CDC37L1: variants seen among roughly 807,000 people sequenced by gnomAD.
CDC37L1 encodes hsp90 co-chaperone Cdc37-like 1.
A neutral mutation model predicts 45.9 loss-of-function variants in CDC37L1; 32 were observed. The observed-to-expected ratio is 0.70, with a 90% CI of 0.53 to 0.94. The LOEUF is 0.94. Among genes scored for constraint, CDC37L1 ranks in the 40% least tolerant of loss-of-function variants. The pLI is 0.00. For missense variants in CDC37L1, 434 were observed against 405.7 expected (o/e 1.07, Z -0.60); for synonymous variants, 150 against 133.0 (o/e 1.13, Z -0.88).
chr9:4,694,252 T>C (rs1432439581), intron 3 of CDC37L1, among the ~76,000 whole-genome samples: 1 of 152,132 alleles, frequency 6.6e-6, no homozygotes, highest in Non-Finnish European at 1.5e-5. Context: ...GCTAATTATC[T>C]CATTTTGTGT....
chr9:4,704,436 A>G (rs534252744), intron 6 of CDC37L1, among the ~76,000 whole-genome samples: 164 of 152,370 alleles, frequency 1.1e-3, no homozygotes, highest in African/African-American at 3.6e-3. Flanking sequence ...TAGGTCGGGT[A>G]TACCGATTCC....
chr9:4,705,496 A>T (rs1040434245), intron 6 of CDC37L1, among the ~76,000 whole-genome samples: 2 of 152,144 alleles, frequency 1.3e-5, no homozygotes, highest in Non-Finnish European at 2.9e-5. Flanking sequence ...ATACATCTCA[A>T]AAGTGTACAG....
intron 3 of CDC37L1, among the ~76,000 whole-genome samples, chr9:4,691,185 T>G (rs1029473488): frequency 6.6e-6 from 1 of 152,206 alleles, no homozygotes; most frequent in African/African-American, 2.4e-5. Context: ...TTAACTTTTG[T>G]TTTAAATTCA....
chr9:4,705,901 C>T, intron 6 of CDC37L1, 110 bp from the exon 7 acceptor site: 1 of 487,626 alleles, frequency 2.1e-6, no homozygotes, highest in Non-Finnish European at 3.8e-6. Flanking sequence ...TGCTCTACTA[C>T]ACTGCAGAGA....
intron 2 of CDC37L1, among the ~76,000 whole-genome samples, chr9:4,686,813 G>C (rs905793857): frequency 3.3e-5 from 5 of 152,182 alleles, no homozygotes; most frequent in African/African-American, 1.2e-4. Context: ...GTGCTATTGA[G>C]TGCTTGAAAT....
rs1005594778 is a variant in CDC37L1, at chr9:4,697,083, C to G, written c.509-13C>G. On this transcript the variant is annotated splice_polypyrimidine_tract_variant and intron_variant, in intron 3 of 6. Transcript: ENST00000381854. Reference sequence around the variant, plus strand: ...AATATTTGACACTTATGGTTCAATTCTTTTTTTTACAGGTATGTTGAGTCG... The same window carrying G: ...AATATTTGACACTTATGGTTCAATTGTTTTTTTTACAGGTATGTTGAGTCG... 2.6e-6 allele frequency: 3 copies of G among 1,175,244 alleles called. No individual in the cohort carries two copies. Among genetic ancestry groups the G allele is most frequent in the Non-Finnish European group, 3.8e-6 (3 of 796,746 alleles). The allele number at this position is 1,175,244 out of a possible 1,614,324, so 72.8% of individuals were successfully genotyped here.
At chr9:4,702,888 CAAAAAAA>C (rs397829063) in intron 6 of CDC37L1, among the ~76,000 whole-genome samples, 2 of 42,962 alleles carry the variant, frequency 4.7e-5, no homozygotes, top group Non-Finnish European at 9.5e-5. Flanking sequence ...GACTCCGTCT[CAAAAAAA>C]AAAAAAAAAA....
intron 3 of CDC37L1, among the ~76,000 whole-genome samples, chr9:4,694,489 C>G (rs1841328684): frequency 6.6e-6 from 1 of 152,106 alleles, no homozygotes; most frequent in Admixed American, 6.5e-5. Flanking sequence ...TTTTTGAAAT[C>G]AAGTGATAGT....
intron 5 of CDC37L1, among the ~76,000 whole-genome samples, chr9:4,701,491 G>A (rs528223735): frequency 6.6e-6 from 1 of 152,302 alleles, no homozygotes; most frequent in Non-Finnish European, 1.5e-5. Flanking sequence ...TGATTGTTTG[G>A]TAGTAGGAAG....
intron 6 of CDC37L1, among the ~76,000 whole-genome samples, chr9:4,704,458 T>A (rs1225692500): frequency 6.6e-6 from 1 of 152,196 alleles, no homozygotes; most frequent in Non-Finnish European, 1.5e-5. Context: ...TCTTATTTTT[T>A]AAAGTCTCTG....
chr9:4,693,297 G>A (rs1041295391), intron 3 of CDC37L1, among the ~76,000 whole-genome samples: 13 of 149,840 alleles, frequency 8.7e-5, no homozygotes, highest in Admixed American at 2.0e-4. Flanking sequence ...AAAAAAATTC[G>A]TCAGGTGTGG....
intron 4 of CDC37L1, 56 bp downstream of exon 4, chr9:4,697,267 A>C: frequency 1.2e-6 from 1 of 808,520 alleles, no homozygotes; most frequent in East Asian, 2.5e-5. Flanking sequence ...CTGATTTCAT[A>C]CTTTATTGAT....
At chr9:4,686,211 C>A (rs796833192) in intron 2 of CDC37L1, among the ~76,000 whole-genome samples, 8 of 152,170 alleles carry the variant, frequency 5.3e-5, no homozygotes, top group South Asian at 2.1e-4. Context: ...CACCCACTCT[C>A]ATGAACTTTT....
chr9:4,696,276 C>T (rs1299604152), intron 3 of CDC37L1, among the ~76,000 whole-genome samples: 1 of 152,174 alleles, frequency 6.6e-6, no homozygotes, highest in Non-Finnish European at 1.5e-5. Context: ...TGAGTCAGCT[C>T]TACAAAATTT....
intron 6 of CDC37L1, chr9:4,703,159 A>C: frequency 6.7e-7 from 1 of 1,492,674 alleles, no homozygotes; most frequent in Non-Finnish European, 9.0e-7. Flanking sequence ...GTCTTATTCA[A>C]AAGACAATGT....
chr9:4,690,194 G>A (rs562015465), intron 3 of CDC37L1, among the ~76,000 whole-genome samples: 60 of 152,270 alleles, frequency 3.9e-4, no homozygotes, highest in Non-Finnish European at 5.9e-4. Context: ...TGTAAAATGA[G>A]TTTCTGGGTC....
intron 1 of CDC37L1, 111 bp downstream of exon 1, chr9:4,680,010 T>TGCCGGGG: frequency 1.4e-6 from 2 of 1,397,444 alleles, no homozygotes; most frequent in East Asian, 2.5e-5. Flanking sequence ...CCCACCTCAC[T>TGCCGGGG]GCCAGGGGCC....
chr9:4,688,657 A>T, intron 3 of CDC37L1, 51 bp downstream of exon 3: 5 of 1,159,630 alleles, frequency 4.3e-6, no homozygotes, highest in African/African-American at 1.6e-5. Flanking sequence ...TATCATATGT[A>T]CATGTGCAAA....
At chr9:4,705,061 A>G (rs1200170700) in intron 6 of CDC37L1, among the ~76,000 whole-genome samples, 2 of 152,176 alleles carry the variant, frequency 1.3e-5, no homozygotes, top group African/African-American at 2.4e-5. Flanking sequence ...GAATAAAGGA[A>G]TCTCACAAAG....
Sources: gnomAD v4.1 joint callset for allele counts (sites outside exome capture counted in the v4.1 genomes callset) on GRCh38, gnomAD v4.1.1 for gene constraint, MANE v1.5 for transcripts, NCBI Gene and HGNC (gene_info 2026-07-23, HGNC 2026-07-21) for gene names.